The following STAG1 variants were observed in gnomAD, a reference collection of about 807,000 sequenced individuals.
The protein encoded by STAG1 is cohesin subunit SA-1.
STAG1 carries 26 observed loss-of-function variants against 170.9 expected under a neutral mutation model. That is an observed-to-expected ratio of 0.15 (90% CI 0.11 to 0.21). STAG1 has a LOEUF of 0.21. Among genes scored for constraint, STAG1 ranks in the 10% least tolerant of loss-of-function variants. The pLI, the probability that STAG1 is intolerant of heterozygous loss-of-function variation, is 1.00. For synonymous variants in STAG1, 514 were observed against 497.7 expected, an observed-to-expected ratio of 1.03 and a Z score of -0.44; for missense variants, 964 against 1,509.5, an observed-to-expected ratio of 0.64 and a Z score of 5.99.
chr3:136,500,102 T>G, intron 9 of STAG1, 121 bp downstream of exon 9: 1 of 661,550 alleles, frequency 1.5e-6, no homozygotes, highest in Non-Finnish European at 2.6e-6. Flanking sequence ...CAGCCAAAGT[T>G]GTTTTCCAGA....
At chr3:136,721,914 C>CAA (rs368976606) in intron 1 of STAG1, among the ~76,000 whole-genome samples, 1 of 127,634 alleles carries the variant, frequency 7.8e-6, no homozygotes, top group Admixed American at 8.1e-5. Context: ...GACTCCATCT[C>CAA]AAAAAAAAAA....
chr3:136,740,245 A>G (rs1325214075), intron 1 of STAG1, among the ~76,000 whole-genome samples: 1 of 152,198 alleles, frequency 6.6e-6, no homozygotes, highest in Non-Finnish European at 1.5e-5. Flanking sequence ...TCCATCTCAA[A>G]AAAAAGAGAG....
rs2089366676 is a variant in STAG1, at chr3:136,463,910, T to C, written c.1313+971A>G. ...ACTTATATATACATATATACTTACA[T>C]ATAATATATATTTTAAAATGATTTA... On this transcript the variant is annotated intron_variant, in intron 13 of 33. Coordinates refer to ENST00000383202, the MANE Select transcript of STAG1 (RefSeq NM_005862.3). Among the ~76,000 whole-genome samples, 5 of 147,738 alleles carry C rather than the reference T, an allele frequency of 3.4e-5. No individual in the cohort carries two copies. The South Asian group carries it at 8.4e-4, about 25-fold the overall frequency.
chr3:136,718,933 A>C (rs1477967830), intron 1 of STAG1, among the ~76,000 whole-genome samples: 1 of 152,154 alleles, frequency 6.6e-6, no homozygotes, highest in East Asian at 1.9e-4. Context: ...CCTCAAATAA[A>C]AAAAAGGCAG....
At chr3:136,499,309 C>G (rs527942369) in intron 9 of STAG1, among the ~76,000 whole-genome samples, 20 of 152,170 alleles carry the variant, frequency 1.3e-4, no homozygotes, top group Admixed American at 6.5e-5. Context: ...CTCAGCCTCC[C>G]GAGTAGCTGG....
At chr3:136,587,652 C>T (rs937637967) in intron 4 of STAG1, among the ~76,000 whole-genome samples, 6 of 151,076 alleles carry the variant, frequency 4.0e-5, no homozygotes, top group Non-Finnish European at 8.9e-5. Flanking sequence ...AACTAAATTG[C>T]TTAAAAAGAA....
chr3:136,361,498 T>C (rs1936860827), intron 26 of STAG1, among the ~76,000 whole-genome samples: 1 of 152,216 alleles, frequency 6.6e-6, no homozygotes, highest in South Asian at 2.1e-4. Context: ...CAAAACTGTC[T>C]TCTAACAAGG....
At chr3:136,715,276 G>A (rs973482635) in intron 1 of STAG1, among the ~76,000 whole-genome samples, 3 of 149,852 alleles carry the variant, frequency 2.0e-5, no homozygotes, top group South Asian at 2.1e-4. Context: ...GCCTCCCAAA[G>A]TGTTGGGATG....
intron 6 of STAG1, among the ~76,000 whole-genome samples, chr3:136,523,213 C>G (rs528089867): frequency 6.6e-6 from 1 of 152,142 alleles, no homozygotes; most frequent in Admixed American, 6.5e-5. Flanking sequence ...TATTTCTCCC[C>G]ATCCTCTTCA....
intron 6 of STAG1, among the ~76,000 whole-genome samples, chr3:136,523,637 T>G (rs906348988): frequency 6.6e-6 from 1 of 152,192 alleles, no homozygotes; most frequent in African/African-American, 2.4e-5. Flanking sequence ...TGTTGCCATT[T>G]CTTTTGGTGT....
At chr3:136,494,706 A>G (rs1932981097) in intron 9 of STAG1, among the ~76,000 whole-genome samples, 1 of 152,210 alleles carries the variant, frequency 6.6e-6, no homozygotes, top group South Asian at 2.1e-4. Flanking sequence ...CAAAACAGAA[A>G]AAATAAAGAA....
chr3:136,535,081 C>T (rs189623125), intron 6 of STAG1, among the ~76,000 whole-genome samples: 106 of 152,250 alleles, frequency 7.0e-4, no homozygotes, highest in Admixed American at 3.1e-3. Flanking sequence ...AAATTAAAGT[C>T]ATTTGCAACA....
chr3:136,598,824 T>C (rs1434979229), intron 4 of STAG1, among the ~76,000 whole-genome samples: 1 of 152,174 alleles, frequency 6.6e-6, no homozygotes, highest in African/African-American at 2.4e-5. Context: ...CAACATTAAC[T>C]GCATTATAAA....
intron 1 of STAG1, among the ~76,000 whole-genome samples, chr3:136,668,832 T>C (rs868494390): frequency 3.3e-5 from 5 of 152,192 alleles, no homozygotes; most frequent in African/African-American, 4.8e-5. Context: ...CACTCCTCAA[T>C]AGAGACTTCC....
intron 6 of STAG1, among the ~76,000 whole-genome samples, chr3:136,525,825 C>G (rs1343369204): frequency 1.3e-5 from 2 of 152,160 alleles, no homozygotes; most frequent in Admixed American, 6.5e-5. Flanking sequence ...CAAACAACAT[C>G]TTTATTTCTG....
intron 6 of STAG1, among the ~76,000 whole-genome samples, chr3:136,528,493 C>T (rs1433972768): frequency 4.3e-5 from 1 of 23,088 alleles, no homozygotes; most frequent in Non-Finnish European, 1.2e-4. Flanking sequence ...GATGTCCCCG[C>T]ACCCCCCCCC....
intron 23 of STAG1, among the ~76,000 whole-genome samples, chr3:136,377,239 T>C (rs1937647601): frequency 6.7e-6 from 1 of 148,958 alleles, no homozygotes; most frequent in South Asian, 2.1e-4. Context: ...TACAAAAAAT[T>C]AGCTGGGCGC....
intron 13 of STAG1, among the ~76,000 whole-genome samples, chr3:136,463,768 T>TACAC (rs1553725814): frequency 2.6e-5 from 1 of 38,590 alleles, no homozygotes; most frequent in Admixed American, 2.6e-4. Context: ...TGTGTGTGTG[T>TACAC]ATACACACAC....
chr3:136,691,072 TG>T (rs1290277867), intron 1 of STAG1, among the ~76,000 whole-genome samples: 1 of 150,946 alleles, frequency 6.6e-6, no homozygotes, highest in East Asian at 1.9e-4. Context: ...CCAAGGCGGG[TG>T]GAACACTTGA....
Sources: gnomAD v4.1 joint callset for allele counts (sites outside exome capture counted in the v4.1 genomes callset) on GRCh38, gnomAD v4.1.1 for gene constraint, MANE v1.5 for transcripts, NCBI Gene and HGNC (gene_info 2026-07-23, HGNC 2026-07-21) for gene names.